Variants in RAMP1 observed in about 807,000 individuals in gnomAD.
The protein encoded by RAMP1 is receptor activity-modifying protein 1.
RAMP1 carries 7 observed loss-of-function variants against 8.2 expected under a neutral mutation model. The ratio of observed to expected loss-of-function variants is 0.85; its 90% CI spans 0.49 to 1.60. The LOEUF (loss-of-function observed/expected upper bound fraction) is 1.60. RAMP1 is among the 40% of genes most tolerant of loss of function. The pLI is 0.00. For missense variants in RAMP1, 192 were observed against 202.4 expected (o/e 0.95, Z 0.31); for synonymous variants, 92 against 84.7 (o/e 1.09, Z -0.47).
chr2:237,891,363 G>A (rs933697730), intron 2 of RAMP1, among the ~76,000 whole-genome samples: 2 of 152,050 alleles, frequency 1.3e-5, no homozygotes, highest in African/African-American at 4.8e-5. Context: ...TGTTAGCCAG[G>A]ATGGTCTCGA....
At chr2:237,867,150 G>A (rs764657362) in intron 1 of RAMP1, among the ~76,000 whole-genome samples, 2 of 152,128 alleles carry the variant, frequency 1.3e-5, no homozygotes, top group Non-Finnish European at 2.9e-5. Context: ...TGGGAGGATC[G>A]CTTGAGTCCA....
intron 1 of RAMP1, chr2:237,874,844 C>A: frequency 2.4e-6 from 1 of 421,278 alleles, no homozygotes; most frequent in Non-Finnish European, 3.2e-6. Flanking sequence ...CCTCCACCAG[C>A]CCTGAGTGAG....
chr2:237,872,316 G>A (rs1038533017), intron 1 of RAMP1, among the ~76,000 whole-genome samples: 17 of 152,212 alleles, frequency 1.1e-4, no homozygotes, highest in African/African-American at 3.1e-4. Context: ...ACTCAGTGAC[G>A]GTGATGATGG....
chr2:237,878,756 A>G lies in RAMP1; in HGVS notation c.191+1394A>G, dbSNP rs1478556245. ...GGCGACTCTGTACCTTGGGAGCCCA[A>G]ACTTTTTAAAAAGTAGGAAAGCATG... On this transcript the variant is annotated intron_variant, in intron 2 of 2. Transcript: ENST00000254661. The surrounding 1 kb of genome is among the most constrained non-coding windows in gnomAD (Gnocchi z 5.7). Among the ~76,000 whole-genome samples the G allele has an allele frequency of 6.6e-6, 1 of 152,236 alleles. No homozygotes were observed. The highest frequency in any genetic ancestry group is 1.5e-5 in the Non-Finnish European group (1 of 68,046).
At chr2:237,866,649 T>C (rs2062189927) in intron 1 of RAMP1, among the ~76,000 whole-genome samples, 1 of 152,156 alleles carries the variant, frequency 6.6e-6, no homozygotes, top group Non-Finnish European at 1.5e-5. Flanking sequence ...CAGCCTACTA[T>C]TGAGCAGAGG....
chr2:237,911,838 G>T lies in RAMP1; in HGVS notation c.*55G>T. On this transcript the variant is annotated 3_prime_UTR_variant, in exon 3 of 3. Transcript: ENST00000254661. ...CAGGCTGCAGGGTGAGGCCAGGCAG[G>T]CCTGGGTAGGGGCAGCTTCTGGAGC... is the stretch of plus-strand genomic sequence containing the variant. 6.5e-7 allele frequency: 1 copy of T among 1,533,364 alleles called. No homozygotes were observed. Among genetic ancestry groups the T allele is most frequent in the Non-Finnish European group, 8.8e-7 (1 of 1,136,090 alleles). The allele number at this position is 1,533,364 out of a possible 1,614,324, so 95.0% of individuals were successfully genotyped here. A position where few individuals can be genotyped will look rare whatever the true frequency, so the allele number is the denominator to read the frequency against.
rs958850604 is a variant in RAMP1 at position 237,909,567 on chromosome 2, G to A, written c.192-1961G>A. Among the ~76,000 whole-genome samples the A allele has an allele frequency of 3.9e-5, 6 of 152,262 alleles. No individual in the cohort carries two copies. In the South Asian group the frequency reaches 6.2e-4, roughly 16 times the overall value. On this transcript the variant is annotated intron_variant, in intron 2 of 2. Coordinates refer to ENST00000254661, the MANE Select transcript of RAMP1 (RefSeq NM_005855.4). ...GCAGGAGGTCACAGGGGGTTGGAGG[G>A]AATGCAGGGCTGGAGGCAGAAGGAG...
chr2:237,901,430 T>C (rs146876775), intron 2 of RAMP1, among the ~76,000 whole-genome samples: 1,707 of 152,344 alleles, frequency 0.011, 15 homozygotes, highest in Non-Finnish European at 0.018. Context: ...CAAATATGAT[T>C]GAAGCATCCA....
At chr2:237,880,993 C>G (rs73092515) in intron 2 of RAMP1, among the ~76,000 whole-genome samples, 1 of 152,132 alleles carries the variant, frequency 6.6e-6, no homozygotes, top group Non-Finnish European at 1.5e-5. Context: ...CCCTCCTCCT[C>G]CTGCCCCTGC....
chr2:237,859,303 G>T (rs12053187), upstream of RAMP1, among the ~76,000 whole-genome samples: 1,329 of 152,318 alleles, frequency 8.7e-3, 76 homozygotes, highest in East Asian at 0.12. Flanking sequence ...GGAGGAGGAG[G>T]GGAAGATCCC....
At chr2:237,870,515 CT>C (rs1306796323) in intron 1 of RAMP1, among the ~76,000 whole-genome samples, 1 of 152,254 alleles carries the variant, frequency 6.6e-6, no homozygotes, top group African/African-American at 2.4e-5. Context: ...AGGCTTCCGA[CT>C]TTTTCTCCAG....
intron 1 of RAMP1, among the ~76,000 whole-genome samples, chr2:237,860,366 G>C (rs1377741614): frequency 1.3e-5 from 2 of 151,962 alleles, no homozygotes; most frequent in East Asian, 3.9e-4. Context: ...TGGCACTTTT[G>C]GCTAATAGAA....
chr2:237,865,824 C>T lies in RAMP1; in HGVS notation c.52+6097C>T, dbSNP rs2062182297. Among the ~76,000 whole-genome samples the T allele has an allele frequency of 6.6e-6, 1 of 152,098 alleles. No individual in the cohort carries two copies. Among genetic ancestry groups the T allele is most frequent in the African/African-American group, 2.4e-5 (1 of 41,402 alleles). On this transcript the variant is annotated intron_variant, in intron 1 of 2. Coordinates refer to ENST00000254661, the MANE Select transcript of RAMP1 (RefSeq NM_005855.4). This position sits in a 1 kb window ranked among gnomAD's most constrained non-coding sequence, Gnocchi z 4.2. Reference sequence around the variant, plus strand: ...AGAGAAGGAAACGGGCCCCAGGCACCACTGGGCACCTTGACATGATTGGTG... The same window carrying T: ...AGAGAAGGAAACGGGCCCCAGGCACTACTGGGCACCTTGACATGATTGGTG...
At chr2:237,859,788 G>A (rs2062114398) in intron 1 of RAMP1, 61 bp downstream of exon 1, 3 of 1,401,594 alleles carry the variant, frequency 2.1e-6, no homozygotes, top group Admixed American at 2.7e-5. Flanking sequence ...TGTCCTCTAG[G>A]GGAGAGGAGG....
chr2:237,911,489 G>C (rs201558870), intron 2 of RAMP1, 39 bp from the exon 3 acceptor site: 3 of 1,604,544 alleles, frequency 1.9e-6, no homozygotes, highest in Non-Finnish European at 2.6e-6. Flanking sequence ...TGGATCCCCC[G>C]CCTGCCCAGG....
intron 1 of RAMP1, among the ~76,000 whole-genome samples, chr2:237,869,439 C>A (rs2062222921): frequency 6.6e-6 from 1 of 152,150 alleles, no homozygotes; most frequent in African/African-American, 2.4e-5. Context: ...AAACACTAAC[C>A]CCCTGCTGAT....
chr2:237,883,433 C>G (rs1464388745), intron 2 of RAMP1, among the ~76,000 whole-genome samples: 1 of 152,166 alleles, frequency 6.6e-6, no homozygotes, highest in African/African-American at 2.4e-5. Flanking sequence ...GCCCAGAAGT[C>G]TTGCTTCCTC....
chr2:237,880,866 T>C (rs1342027251), intron 2 of RAMP1, among the ~76,000 whole-genome samples: 1 of 152,234 alleles, frequency 6.6e-6, no homozygotes, highest in East Asian at 1.9e-4. Flanking sequence ...GACTAGTGTT[T>C]GACTGAGTAA....
chr2:237,911,927 AGAGTAGC>A lies in RAMP1; in HGVS notation c.*145_*151del. ...AGCCAAGAAGAGCTCACAGGAGTCC[AGAGTAGC>A]CGAGGCTCTGGTATTAACCTGGAAG... On this transcript the variant is annotated 3_prime_UTR_variant, in exon 3 of 3. Transcript: ENST00000254661. 7.7e-7 allele frequency: 1 copy of A among 1,307,002 alleles called. No homozygotes were observed. 81.0% of individuals were successfully genotyped at this position (1,307,002 alleles called of 1,614,324 possible).
Sources: gnomAD v4.1 joint callset for allele counts (sites outside exome capture counted in the v4.1 genomes callset) on GRCh38, gnomAD v4.1.1 for gene constraint, Gnocchi (gnomAD v3.1) non-coding constraint, MANE v1.5 for transcripts, NCBI Gene and HGNC (gene_info 2026-07-23, HGNC 2026-07-21) for gene names.